GPBP1L1: variants seen among roughly 807,000 people sequenced by gnomAD.
The protein encoded by GPBP1L1 is vasculin-like protein 1.
GPBP1L1 carries 23 observed loss-of-function variants against 52.5 expected under a neutral mutation model. The ratio of observed to expected loss-of-function variants is 0.44; its 90% CI spans 0.32 to 0.62. GPBP1L1 has a LOEUF of 0.62. Among genes scored for constraint, GPBP1L1 ranks in the 20% least tolerant of loss-of-function variants. The pLI is 0.06. For missense variants in GPBP1L1, 596 were observed against 579.3 expected (o/e 1.03, Z -0.30); for synonymous variants, 243 against 203.1 (o/e 1.20, Z -1.67).
intron 2 of GPBP1L1, among the ~76,000 whole-genome samples, chr1:45,685,239 G>C (rs1420531327): frequency 6.6e-6 from 1 of 152,070 alleles, no homozygotes; most frequent in Non-Finnish European, 1.5e-5. Flanking sequence ...AAAGACCTTA[G>C]AAAAGATCAG....
chr1:45,656,295 T>C (rs1044293168), intron 4 of GPBP1L1: 1 of 152,186 alleles, frequency 6.6e-6, no homozygotes, highest in Non-Finnish European at 1.5e-5. Flanking sequence ...TTTTATTCTA[T>C]GACATTCTTA....
chr1:45,675,165 T>G (rs953668681), intron 2 of GPBP1L1, among the ~76,000 whole-genome samples: 2 of 151,660 alleles, frequency 1.3e-5, no homozygotes, highest in African/African-American at 4.8e-5. Flanking sequence ...GGCGTGGAGG[T>G]GCATGCCTGT....
intron 6 of GPBP1L1, among the ~76,000 whole-genome samples, chr1:45,649,890 G>A (rs190882497): frequency 6.6e-6 from 1 of 152,144 alleles, no homozygotes; most frequent in East Asian, 1.9e-4. Context: ...TAGATTATTT[G>A]GCTGTTCTGG....
intron 11 of GPBP1L1, among the ~76,000 whole-genome samples, chr1:45,629,950 CTGGCTTTTT>C (rs1644508911): frequency 6.7e-6 from 1 of 149,858 alleles, no homozygotes; most frequent in African/African-American, 2.4e-5. Context: ...CACTTGCAGT[CTGGCTTTTT>C]TTTTTTTTTG....
At chr1:45,654,942 TA>T (rs937727823) in intron 5 of GPBP1L1, 113 bp from the exon 6 acceptor site, 5 of 1,111,536 alleles carry the variant, frequency 4.5e-6, no homozygotes, top group Admixed American at 2.9e-5. Flanking sequence ...ACAAAAAAAA[TA>T]AAAAAATGTA....
intron 12 of GPBP1L1, 121 bp downstream of exon 12, chr1:45,629,455 C>T (rs74074404): frequency 0.12 from 5,787 of 47,736 alleles, 459 homozygotes; most frequent in South Asian, 0.26. Context: ...CTAAGGTAAT[C>T]CCCCCCCCCC....
intron 10 of GPBP1L1, 22 bp downstream of exon 10, chr1:45,633,467 C>A: frequency 1.2e-6 from 2 of 1,610,016 alleles, no homozygotes; most frequent in South Asian, 2.2e-5. Flanking sequence ...AGGCTACCCC[C>A]AGAAAAGGCG....
intron 4 of GPBP1L1, chr1:45,656,101 T>C (rs1396239907): frequency 6.6e-6 from 1 of 152,206 alleles, no homozygotes; most frequent in Non-Finnish European, 1.5e-5. Flanking sequence ...TATAAAACAT[T>C]TATTTCCAGA....
intron 6 of GPBP1L1, among the ~76,000 whole-genome samples, chr1:45,646,508 A>AT (rs1254199697): frequency 6.6e-6 from 1 of 151,776 alleles, no homozygotes; most frequent in African/African-American, 2.4e-5. Context: ...CAATTTGTAG[A>AT]TTCAAATCTA....
intron 2 of GPBP1L1, among the ~76,000 whole-genome samples, chr1:45,676,643 G>C (rs1645142334): frequency 6.7e-6 from 1 of 149,876 alleles, no homozygotes; most frequent in African/African-American, 2.5e-5. Context: ...TCGGGAGGCA[G>C]AGGTTGCAGT....
intron 2 of GPBP1L1, among the ~76,000 whole-genome samples, chr1:45,674,117 T>C (rs1195354885): frequency 6.6e-6 from 1 of 152,186 alleles, no homozygotes; most frequent in Non-Finnish European, 1.5e-5. Flanking sequence ...CCAACTTCAA[T>C]GGCTTACACT....
intron 10 of GPBP1L1, among the ~76,000 whole-genome samples, chr1:45,631,293 C>T (rs911041192): frequency 6.6e-6 from 1 of 152,098 alleles, no homozygotes; most frequent in African/African-American, 2.4e-5. Context: ...GATCAAGTCT[C>T]ACTCTGTTGC....
At chr1:45,634,296 T>A in intron 8 of GPBP1L1, 60 bp from the exon 9 acceptor site, 14 of 1,481,676 alleles carry the variant, frequency 9.4e-6, no homozygotes, top group Non-Finnish European at 1.3e-5. Flanking sequence ...GCTCAGCTTA[T>A]AAAATCATAA....
intron 8 of GPBP1L1, chr1:45,634,449 A>C (rs987149338): frequency 2.4e-6 from 1 of 422,932 alleles, no homozygotes; most frequent in African/African-American, 2.0e-5. Context: ...ATTGGACATT[A>C]ATAGTGACTT....
At position 45,628,085 on chromosome 1, in the gene GPBP1L1, GAAC is replaced by G. The variant is rs1345593465; in HGVS notation, c.*168_*170del. On this transcript the variant is annotated 3_prime_UTR_variant, in exon 13 of 13. Transcript: ENST00000355105. ...TCTCTATAAAGCAGATAACAGGGAA[GAAC>G]AATAACAAAAGCAAAACAAGCCAAT... The G allele has an allele frequency of 7.4e-6, 5 of 675,078 alleles. No homozygotes were observed. The highest frequency in any genetic ancestry group is 1.8e-5 in the South Asian group (1 of 54,272). The allele number at this position is 675,078 out of a possible 1,614,324, so 41.8% of individuals were successfully genotyped here. A position where few individuals can be genotyped will look rare whatever the true frequency, so the allele number is the denominator to read the frequency against.
chr1:45,664,739 G>C (rs1408086570), intron 2 of GPBP1L1, among the ~76,000 whole-genome samples: 1 of 151,882 alleles, frequency 6.6e-6, no homozygotes, highest in Non-Finnish European at 1.5e-5. Flanking sequence ...GCAGTGGCAT[G>C]ACCTCAGATC....
chr1:45,673,049 C>G (rs1046354724), intron 2 of GPBP1L1, among the ~76,000 whole-genome samples: 3 of 152,128 alleles, frequency 2.0e-5, no homozygotes, highest in African/African-American at 7.2e-5. Flanking sequence ...TTTTACTGCA[C>G]TGATAGGAAT....
intron 2 of GPBP1L1, among the ~76,000 whole-genome samples, chr1:45,684,578 T>C (rs1015939712): frequency 2.0e-5 from 3 of 151,918 alleles, no homozygotes; most frequent in Non-Finnish European, 4.4e-5. Context: ...AATAAAGGTT[T>C]CCCCAAGAGT....
At chr1:45,683,269 G>C (rs142554300) in intron 2 of GPBP1L1, among the ~76,000 whole-genome samples, 1 of 126,230 alleles carries the variant, frequency 7.9e-6, no homozygotes, top group East Asian at 2.5e-4. Context: ...TTGGAGCGCA[G>C]ATCTCGGCTC....
Sources: allele counts gnomAD v4.1 joint callset (sites outside exome capture counted in the v4.1 genomes callset), GRCh38; gene constraint gnomAD v4.1.1; transcripts MANE v1.5; gene names NCBI Gene and HGNC (gene_info 2026-07-23, HGNC 2026-07-21).